The following TSEN34 variants were observed in gnomAD, a reference collection of about 807,000 sequenced individuals.
The protein encoded by TSEN34 is tRNA-splicing endonuclease subunit Sen34.
Under a neutral mutation model 30.2 loss-of-function variants are expected in TSEN34, and 25 were observed. The ratio of observed to expected loss-of-function variants is 0.83; its 90% CI spans 0.60 to 1.16. TSEN34 has a LOEUF of 1.16. Among genes scored for constraint, TSEN34 ranks in the 50% most tolerant of loss-of-function variants. The pLI is 0.00. For missense variants in TSEN34, 475 were observed against 411.9 expected, an observed-to-expected ratio of 1.15 and a Z score of -1.33; for synonymous variants, 209 against 177.4, an observed-to-expected ratio of 1.18 and a Z score of -1.41.
chr19:54,193,186 C>G lies in TSEN34; in HGVS notation c.757C>G (p.Arg253Gly), dbSNP rs377230489. The stretch of plus-strand genomic sequence containing the variant: ...TCTCCTTCCCCCAGGTGACCCCCTC[C>G]GCTTCCACGCCCATTATATCGCTCA... The part of the protein sequence containing the change: ...DFLVYPGDPL[R>G]FHAHYIAQCW... The change falls in exon 4 of 4, where the codon CGC (arginine) becomes GGC (glycine). Residue 253 changes from arginine (R) to glycine (G), a missense_variant. Physicochemically the swap from Arg to Gly is moderately radical, Grantham distance 125. Transcript: ENST00000396388. 3 of 1,613,646 alleles carry G rather than the reference C, an allele frequency of 1.9e-6. No homozygotes were observed. Among genetic ancestry groups the G allele is most frequent in the Non-Finnish European group, 2.5e-6 (3 of 1,180,024 alleles).
rs1022235239 is a variant in TSEN34, at chr19:54,194,488, T to C, written c.*1126T>C. On this transcript the variant is annotated 3_prime_UTR_variant, in exon 4 of 4. Coordinates refer to ENST00000396388, the MANE Select transcript of TSEN34 (RefSeq NM_001077446.4). The stretch of plus-strand genomic sequence containing the variant: ...CCCATGTTTTTGCTTAAGAAAGTAC[T>C]AGAACACTACCACTATTCCAATAAT... 6.6e-6 allele frequency: 1 copy of C among 152,216 alleles called. No homozygotes were observed. Among genetic ancestry groups the C allele is most frequent in the Non-Finnish European group, 1.5e-5 (1 of 68,048 alleles). 9.4% of individuals were successfully genotyped at this position (152,216 alleles called of 1,614,324 possible).
Position 54,193,278 on chromosome 19 carries a change from C to T in TSEN34, c.849C>T (p.Ser283=). 4 of 1,614,114 alleles carry T rather than the reference C, an allele frequency of 2.5e-6. No individual in the cohort carries two copies. The highest frequency in any genetic ancestry group is 3.4e-6 in the Non-Finnish European group (4 of 1,180,030). The part of the protein sequence containing the change: ...DLVAAGRLGT[S]VRKTLLLCSP... ...TTGCTGCTGGGCGCCTTGGAACCAGCGTCAGAAAGACCCTGCTCCTCTGTT... is the reference window on the plus strand; with the variant it reads ...TTGCTGCTGGGCGCCTTGGAACCAGTGTCAGAAAGACCCTGCTCCTCTGTT... The change falls in exon 4 of 4, where the codon AGC becomes AGT. Residue 283 remains serine (S), a synonymous_variant. Coordinates refer to ENST00000396388, the MANE Select transcript of TSEN34 (RefSeq NM_001077446.4).
At chr19:54,190,388 A>G (rs1373515315), upstream of TSEN34, 15 of 1,499,946 alleles carry the variant, frequency 1.0e-5, no homozygotes, top group South Asian at 2.6e-5. Context: ...CGCTGGTTCT[A>G]TCGGTGGACA....
upstream of TSEN34, chr19:54,190,639 A>G (rs1280769601): frequency 4.8e-6 from 6 of 1,241,774 alleles, no homozygotes; most frequent in Non-Finnish European, 6.1e-6. Context: ...GTCCGGGAGG[A>G]GGCGGGGCTA....
At position 54,192,267 on chromosome 19, in the gene TSEN34, C is replaced by A. The variant is rs955969624; in HGVS notation, c.639C>A (p.Gly213=). The A allele has an allele frequency of 1.9e-6, 3 of 1,613,940 alleles. No homozygotes were observed. In the Admixed American group the frequency reaches 5.0e-5, roughly 27 times the overall value. The change falls in exon 3 of 4, where the codon GGC becomes GGA. Residue 213 remains glycine (G), a synonymous_variant. Transcript: ENST00000396388. The part of the protein sequence containing the change: ...RVQSKDWPHA[G]RPAHELRYSI... Reference sequence around the variant, plus strand: ...AGTCTAAAGACTGGCCCCACGCCGGCCGCCCTGCCCACGAGCTGCGCTACA... The same window carrying A: ...AGTCTAAAGACTGGCCCCACGCCGGACGCCCTGCCCACGAGCTGCGCTACA...
At chr19:54,189,954 C>T (rs2076597640), upstream of TSEN34, 2 of 340,382 alleles carry the variant, frequency 5.9e-6, no homozygotes, top group Non-Finnish European at 1.1e-5. Flanking sequence ...CTTCGGTTTA[C>T]TTCGTAGATA....
At chr19:54,190,403 G>T (rs1168333843), upstream of TSEN34, 1 of 1,484,432 alleles carries the variant, frequency 6.7e-7, no homozygotes, top group Non-Finnish European at 9.0e-7. Flanking sequence ...TGGACAGTGG[G>T]ACATTCTGAA....
Position 54,193,542 on chromosome 19 carries a change from T to A in TSEN34, c.*180T>A. 6.5e-7 allele frequency: 1 copy of A among 1,536,636 alleles called. No homozygotes were observed. ...TCCTTGTTTCAAAGCACTTATTGGC[T>A]GTGTTTTTGTAGTTACCTATTTTCA... is the stretch of plus-strand genomic sequence containing the variant. On this transcript the variant is annotated 3_prime_UTR_variant, in exon 4 of 4. Coordinates refer to ENST00000396388, the MANE Select transcript of TSEN34 (RefSeq NM_001077446.4).
rs1194795014 is a variant in TSEN34, at chr19:54,193,282, A to C, written c.853A>C (p.Arg285=). The C allele has an allele frequency of 6.2e-7, 1 of 1,614,060 alleles. No homozygotes were observed. Among genetic ancestry groups the C allele is most frequent in the African/African-American group, 1.3e-5 (1 of 74,930 alleles). Residue 285 remains arginine (R), a synonymous_variant, in exon 4 of 4, where the codon AGA becomes CGA. Transcript: ENST00000396388. ...TGCTGGGCGCCTTGGAACCAGCGTCAGAAAGACCCTGCTCCTCTGTTCTCC... is the reference window on the plus strand; with the variant it reads ...TGCTGGGCGCCTTGGAACCAGCGTCCGAAAGACCCTGCTCCTCTGTTCTCC... ...VAAGRLGTSV[R]KTLLLCSPQP... is the part of the protein sequence containing the mutation.
At chr19:54,190,981 A>G (rs1388989790), upstream of TSEN34, 2 of 1,094,168 alleles carry the variant, frequency 1.8e-6, no homozygotes, top group East Asian at 1.4e-4. Flanking sequence ...GGACCTTTGT[A>G]AGGGGGCGTG....
At chr19:54,190,528 C>T, upstream of TSEN34, 1 of 1,289,288 alleles carries the variant, frequency 7.8e-7, no homozygotes, top group East Asian at 3.1e-5. Flanking sequence ...GGTCGTAGGG[C>T]GGGAACTCCC....
Position 54,193,827 on chromosome 19 carries a change from A to C in TSEN34, c.*465A>C. ...CAAAATTGGTTTTTCTGACTCCTAA[A>C]TCTGCACTCTTTCTACCTCACTAAA... On this transcript the variant is annotated 3_prime_UTR_variant, in exon 4 of 4. Coordinates refer to ENST00000396388, the MANE Select transcript of TSEN34 (RefSeq NM_001077446.4). The C allele has an allele frequency of 3.2e-6, 2 of 620,066 alleles. No homozygotes were observed. The highest frequency in any genetic ancestry group is 5.8e-6 in the Non-Finnish European group (2 of 347,540). The allele number at this position is 620,066 out of a possible 1,614,324, so 38.4% of individuals were successfully genotyped here.
rs199558314 is a variant in TSEN34, at chr19:54,192,103, T to C, written c.488-13T>C. 6.2e-7 allele frequency: 1 copy of C among 1,614,206 alleles called. No individual in the cohort carries two copies. The highest frequency in any genetic ancestry group is 8.5e-7 in the Non-Finnish European group (1 of 1,180,030). ...CTTGAATTTACCAAACTCTTCTCTG[T>C]ACTCCCCACCAGGCCCCTCGTCTTC... On this transcript the variant is annotated splice_polypyrimidine_tract_variant and intron_variant, in intron 2 of 3. Transcript: ENST00000396388.
chr19:54,190,682 C>A, upstream of TSEN34: 1 of 1,228,336 alleles, frequency 8.1e-7, no homozygotes. Flanking sequence ...ACCCGAACGT[C>A]AAATTGCTGG....
chr19:54,192,927 C>G (rs2076760796), intron 3 of TSEN34, among the ~76,000 whole-genome samples: 1 of 146,640 alleles, frequency 6.8e-6, no homozygotes. Flanking sequence ...ATCATGTGAA[C>G]CCAGGGGGCA....
chr19:54,190,314 C>G (rs778861807), upstream of TSEN34: 14 of 1,483,810 alleles, frequency 9.4e-6, no homozygotes, highest in African/African-American at 1.7e-4. Flanking sequence ...GAGCAAGGAG[C>G]GCGTGGCGCG....
At chr19:54,190,351 C>A (rs1010727562), upstream of TSEN34, 1 of 1,527,760 alleles carries the variant, frequency 6.5e-7, no homozygotes, top group Non-Finnish European at 8.8e-7. Flanking sequence ...TCCACCTCGA[C>A]TGCGAATTAC....
In TSEN34 at chr19:54,191,735, C is replaced by G; in HGVS notation, c.258C>G (p.Phe86Leu). Residue 86 changes from phenylalanine to leucine, a missense_variant, in exon 2 of 4, where the codon TTC (phenylalanine) becomes TTG (leucine). Transcript: ENST00000396388. ...GTGCTTCTCAGGCCCTGACATCCTT[C>G]AAGCGCCAGCAAGAGGAGAGCTTCC... ...SRHHSLALTSFKRQQEESFQE... is the reference protein window; with the variant it reads ...SRHHSLALTSLKRQQEESFQE... The G allele has an allele frequency of 6.2e-7, 1 of 1,614,088 alleles. No homozygotes were observed. The highest frequency in any genetic ancestry group is 8.5e-7 in the Non-Finnish European group (1 of 1,180,040).
In TSEN34 at chr19:54,191,454, C is replaced by T. The variant is rs1177449660; in HGVS notation, c.90C>T (p.Gly30=). 11 of 1,547,696 alleles carry T rather than the reference C, an allele frequency of 7.1e-6. No individual in the cohort carries two copies. The East Asian group carries it at 7.3e-5, about 10-fold the overall frequency. ...TCCGGGAGCGCCTGGGTGTGGGGGGCCGCACGGTAGGCGCCCTGCCCCGCG... is the reference window on the plus strand; with the variant it reads ...TCCGGGAGCGCCTGGGTGTGGGGGGTCGCACGGTAGGCGCCCTGCCCCGCG... The part of the protein sequence containing the change: ...QALRERLGVG[G]RTVGALPRGP... Residue 30 remains glycine (G), a synonymous_variant, in exon 1 of 4, where the codon GGC becomes GGT. Transcript: ENST00000396388.
Sources: allele counts gnomAD v4.1 joint callset (sites outside exome capture counted in the v4.1 genomes callset), GRCh38; gene constraint gnomAD v4.1.1; transcripts MANE v1.5; gene names NCBI Gene and HGNC (gene_info 2026-07-23, HGNC 2026-07-21).